Variants in RERE observed in about 807,000 individuals in gnomAD.
The protein encoded by RERE is arginine-glutamic acid dipeptide repeats.
Under a neutral mutation model 146.1 loss-of-function variants are expected in RERE, and 40 were observed. The observed-to-expected ratio is 0.27, with a 90% CI of 0.21 to 0.36. The LOEUF is 0.36. Among genes scored for constraint, RERE ranks in the 10% least tolerant of loss-of-function variants. RERE has a pLI of 1.00. For synonymous variants in RERE, 1,003 were observed against 866.0 expected, an observed-to-expected ratio of 1.16 and a Z score of -2.78; for missense variants, 1,933 against 2,138.7, an observed-to-expected ratio of 0.90 and a Z score of 1.90.
chr1:8,448,719 C>T (rs1644354657), intron 11 of RERE, among the ~76,000 whole-genome samples: 1 of 152,186 alleles, frequency 6.6e-6, no homozygotes, highest in East Asian at 1.9e-4. Context: ...ATCCCAGCTA[C>T]TTGGGAGGCT....
intron 9 of RERE, 84 bp downstream of exon 9, chr1:8,497,321 C>G: frequency 6.8e-7 from 1 of 1,465,106 alleles, no homozygotes; most frequent in Non-Finnish European, 9.4e-7. Context: ...GAAATAAAAT[C>G]TCAGGGGAAA....
Position 8,361,052 on chromosome 1 carries a change from G to T in RERE, c.2455C>A (p.His819Asn). 1 of 1,437,542 alleles carries T rather than the reference G, an allele frequency of 7.0e-7. No homozygotes were observed. The allele number at this position is 1,437,542 out of a possible 1,614,324, so 89.0% of individuals were successfully genotyped here. Residue 819 changes from histidine (H) to asparagine (N), a missense_variant, in exon 18 of 23, where the codon CAT becomes AAT. Physicochemically the swap from His to Asn is moderately conservative, Grantham distance 68. Coordinates refer to ENST00000400908, the MANE Select transcript of RERE (RefSeq NM_001042681.2). The stretch of plus-strand genomic sequence containing the variant: ...TGCAGCGGGGGATGTGGCGAGGGAT[G>T]CGGCGGGGGATGCGGTGAGGGCGGC... Reference protein sequence around the residue: ...QRPPSPHPPPHPSPHPPLQPL... With the variant: ...QRPPSPHPPPNPSPHPPLQPL...
Position 8,358,176 on chromosome 1 carries a change from T to A in RERE, c.4339+20A>T. On this transcript the variant is annotated intron_variant, in intron 20 of 22. Coordinates refer to ENST00000400908, the MANE Select transcript of RERE (RefSeq NM_001042681.2). ...CCCCTCCCCGTGCCTCTGTCCCACC[T>A]GCCACGCTGGGGCACGCACCTTGGT... 2 of 1,571,002 alleles carry A rather than the reference T, an allele frequency of 1.3e-6. No homozygotes were observed. Among genetic ancestry groups the A allele is most frequent in the Non-Finnish European group, 1.7e-6 (2 of 1,151,376 alleles).
At chr1:8,527,945 C>T (rs1401662450) in intron 7 of RERE, among the ~76,000 whole-genome samples, 1 of 152,170 alleles carries the variant, frequency 6.6e-6, no homozygotes, top group African/African-American at 2.4e-5. Context: ...GCAGGAGCCC[C>T]CGGAATCCTC....
chr1:8,445,431 C>T (rs915126086), intron 11 of RERE, among the ~76,000 whole-genome samples: 2 of 152,194 alleles, frequency 1.3e-5, no homozygotes, highest in Non-Finnish European at 2.9e-5. Context: ...TGCTTGGCAC[C>T]TTCCATTCTG....
At chr1:8,628,928 A>C (rs1647004324) in intron 2 of RERE, among the ~76,000 whole-genome samples, 1 of 152,208 alleles carries the variant, frequency 6.6e-6, no homozygotes, top group Non-Finnish European at 1.5e-5. Flanking sequence ...GCCCCCAAGC[A>C]CTGCATATAC....
At chr1:8,755,635 G>C (rs897860963) in intron 1 of RERE, among the ~76,000 whole-genome samples, 1 of 152,170 alleles carries the variant, frequency 6.6e-6, no homozygotes, top group African/African-American at 2.4e-5. Context: ...CTGGGACAAA[G>C]AATACAAAAA....
At chr1:8,430,104 T>C (rs558705935) in intron 11 of RERE, 1 of 152,370 alleles carries the variant, frequency 6.6e-6, no homozygotes, top group African/African-American at 2.4e-5. Flanking sequence ...ACTTCATCCA[T>C]ATCATCCTGT....
At chr1:8,608,324 GAGA>G (rs1646747711) in intron 4 of RERE, among the ~76,000 whole-genome samples, 1 of 152,084 alleles carries the variant, frequency 6.6e-6, no homozygotes, top group Non-Finnish European at 1.5e-5. Flanking sequence ...GCAACATAGG[GAGA>G]CCCTGTCTCT....
intron 1 of RERE, chr1:8,750,790 C>T (rs1240243861): frequency 2.5e-6 from 2 of 806,304 alleles, no homozygotes; most frequent in Middle Eastern, 2.3e-4. Flanking sequence ...TCAGTGGAAC[C>T]TTTGTGAAGC....
intron 4 of RERE, among the ~76,000 whole-genome samples, chr1:8,575,423 C>A (rs1484249852): frequency 1.4e-5 from 2 of 146,192 alleles, no homozygotes; most frequent in African/African-American, 5.0e-5. Context: ...TTGCTGTTGT[C>A]CAGGCTGGAG....
At chr1:8,593,200 T>C (rs958935522) in intron 4 of RERE, among the ~76,000 whole-genome samples, 3 of 152,196 alleles carry the variant, frequency 2.0e-5, no homozygotes, top group African/African-American at 7.2e-5. Flanking sequence ...ACCAAAGTTG[T>C]TAGGCACGGC....
At chr1:8,760,025 G>C (rs1392117510) in intron 1 of RERE, among the ~76,000 whole-genome samples, 2 of 151,978 alleles carry the variant, frequency 1.3e-5, no homozygotes, top group Non-Finnish European at 2.9e-5. Flanking sequence ...GTTTAGTTTA[G>C]TTTTGTTTTG....
intron 4 of RERE, among the ~76,000 whole-genome samples, chr1:8,600,642 C>A (rs1031693350): frequency 1.3e-5 from 2 of 152,084 alleles, no homozygotes; most frequent in Non-Finnish European, 2.9e-5. Flanking sequence ...AGAAAATTAA[C>A]CAAATACTAA....
At chr1:8,530,355 G>GTA (rs775767611) in intron 7 of RERE, among the ~76,000 whole-genome samples, 2 of 152,202 alleles carry the variant, frequency 1.3e-5, no homozygotes, top group Admixed American at 6.5e-5. Flanking sequence ...TTTGTAGTGA[G>GTA]TAGATTATGT....
chr1:8,633,571 C>T (rs185859018), intron 2 of RERE, among the ~76,000 whole-genome samples: 1 of 152,144 alleles, frequency 6.6e-6, no homozygotes, highest in Admixed American at 6.5e-5. Context: ...GAAGAGGAAA[C>T]ATCCACACAG....
intron 8 of RERE, among the ~76,000 whole-genome samples, chr1:8,500,962 C>A (rs1645131000): frequency 6.7e-6 from 1 of 148,738 alleles, no homozygotes; most frequent in South Asian, 2.1e-4. Flanking sequence ...AGTGAGGAGC[C>A]CCTCCATCCG....
intron 1 of RERE, among the ~76,000 whole-genome samples, chr1:8,660,129 A>G (rs1428778389): frequency 1.3e-5 from 2 of 152,154 alleles, no homozygotes; most frequent in South Asian, 2.1e-4. Context: ...CAACTTTCAG[A>G]TAAGTATGAA....
At chr1:8,481,002 C>G (rs1307827055) in intron 10 of RERE, among the ~76,000 whole-genome samples, 1 of 152,240 alleles carries the variant, frequency 6.6e-6, no homozygotes, top group African/African-American at 2.4e-5. Context: ...AATCACATCA[C>G]ATTCCTCAGT....
Sources: gnomAD v4.1 joint callset for allele counts (sites outside exome capture counted in the v4.1 genomes callset) on GRCh38, gnomAD v4.1.1 for gene constraint, MANE v1.5 for transcripts, NCBI Gene and HGNC (gene_info 2026-07-23, HGNC 2026-07-21) for gene names.